STPG2: variants seen among roughly 807,000 people sequenced by gnomAD.
STPG2 encodes the protein sperm tail PG-rich repeat containing 2.
STPG2 carries 56 observed loss-of-function variants against 54.2 expected under a neutral mutation model. The observed-to-expected ratio is 1.03, with a 90% CI of 0.83 to 1.29. The LOEUF is 1.29. STPG2 is among the 50% of genes most tolerant of loss of function. The probability of loss-of-function intolerance (pLI) is 0.00; values close to 1 mark genes in which losing one functional copy is unlikely to be tolerated. For synonymous variants in STPG2, 200 were observed against 181.8 expected (o/e 1.10, Z -0.81); for missense variants, 596 against 544.9 (o/e 1.09, Z -0.93).
At chr4:97,940,388 A>G (rs1353103082) in intron 8 of STPG2, among the ~76,000 whole-genome samples, 2 of 152,146 alleles carry the variant, frequency 1.3e-5, no homozygotes, top group Non-Finnish European at 2.9e-5. Flanking sequence ...ATCCTTAAAT[A>G]TGTTTTCCAA....
chr4:97,804,325 T>C (rs1727486634), intron 9 of STPG2, among the ~76,000 whole-genome samples: 1 of 152,130 alleles, frequency 6.6e-6, no homozygotes, highest in African/African-American at 2.4e-5. Flanking sequence ...AAAATGATAA[T>C]GGAGCTGAAA....
intron 9 of STPG2, among the ~76,000 whole-genome samples, chr4:97,815,541 C>A (rs965949241): frequency 6.6e-6 from 1 of 151,966 alleles, no homozygotes; most frequent in African/African-American, 2.4e-5. Context: ...GTTTTCTTTC[C>A]TCACTCTCTT....
chr4:97,585,100 T>A (rs1468455718), intron 10 of STPG2, among the ~76,000 whole-genome samples: 3 of 3,952 alleles, frequency 7.6e-4, no homozygotes, highest in East Asian at 8.1e-3. Flanking sequence ...TAAAATATTC[T>A]CAAAAAAAAA....
chr4:97,902,477 G>A (rs1731215845), intron 8 of STPG2, among the ~76,000 whole-genome samples: 1 of 152,082 alleles, frequency 6.6e-6, no homozygotes, highest in Non-Finnish European at 1.5e-5. Flanking sequence ...ACTAACAGTT[G>A]GCAAAATACT....
intron 10 of STPG2, among the ~76,000 whole-genome samples, chr4:97,670,553 A>G (rs568913969): frequency 7.9e-5 from 12 of 152,304 alleles, no homozygotes; most frequent in Non-Finnish European, 1.5e-4. Context: ...TGAGCTTTAG[A>G]CTACAAAGCA....
chr4:97,856,931 CTTTA>C (rs1391889706), intron 8 of STPG2, among the ~76,000 whole-genome samples: 1 of 152,060 alleles, frequency 6.6e-6, no homozygotes, highest in African/African-American at 2.4e-5. Context: ...TGGTTTTTGT[CTTTA>C]TTCTCTTTAT....
chr4:97,700,012 T>C lies in STPG2; in HGVS notation c.1320+12687A>G, dbSNP rs1465848617. 2.0e-5 allele frequency among the ~76,000 whole-genome samples: 3 copies of C among 152,270 alleles called. No homozygotes were observed. In the East Asian group the frequency reaches 5.8e-4, roughly 29 times the overall value. On this transcript the variant is annotated intron_variant, in intron 10 of 10. Coordinates refer to ENST00000295268, the MANE Select transcript of STPG2 (RefSeq NM_174952.3). ...CCCAGTTAATGATAGGCAGTTGAGG[T>C]CATGTGGTGACTTGATGACCCATAG...
At chr4:98,066,024 CAAGT>C (rs528392026) in intron 5 of STPG2, among the ~76,000 whole-genome samples, 300 of 151,896 alleles carry the variant, frequency 2.0e-3, no homozygotes, top group African/African-American at 7.1e-3. Context: ...ATATACCTAT[CAAGT>C]AGGTATATCA....
At chr4:98,014,894 C>T (rs1017810620) in intron 5 of STPG2, among the ~76,000 whole-genome samples, 4 of 152,206 alleles carry the variant, frequency 2.6e-5, no homozygotes, top group African/African-American at 9.6e-5. Flanking sequence ...TCTTCGTTGA[C>T]ATTTTTTTTC....
intron 8 of STPG2, among the ~76,000 whole-genome samples, chr4:97,852,966 T>C (rs1729211543): frequency 7.4e-6 from 1 of 134,940 alleles, no homozygotes; most frequent in South Asian, 2.3e-4. Flanking sequence ...TAACATATTT[T>C]CTTTTTTTTT....
At chr4:97,767,962 T>C (rs1279466297) in intron 9 of STPG2, among the ~76,000 whole-genome samples, 1 of 152,042 alleles carries the variant, frequency 6.6e-6, no homozygotes, top group Non-Finnish European at 1.5e-5. Context: ...GGTCAGGAGA[T>C]TGAGGTCATC....
chr4:97,875,509 T>C (rs1420731537), intron 8 of STPG2, among the ~76,000 whole-genome samples: 1 of 151,876 alleles, frequency 6.6e-6, no homozygotes, highest in Non-Finnish European at 1.5e-5. Context: ...TTATTTCAAA[T>C]AATAATTTTA....
intron 5 of STPG2, among the ~76,000 whole-genome samples, chr4:98,051,545 G>T (rs745982788): frequency 6.6e-6 from 1 of 152,026 alleles, no homozygotes; most frequent in Non-Finnish European, 1.5e-5. Flanking sequence ...CTCTCATCAC[G>T]TGATACTTTC....
At chr4:97,609,092 T>C (rs1733670277) in intron 10 of STPG2, among the ~76,000 whole-genome samples, 1 of 152,146 alleles carries the variant, frequency 6.6e-6, no homozygotes, top group African/African-American at 2.4e-5. Flanking sequence ...TTTACAAATA[T>C]ATTTTAACTA....
intron 10 of STPG2, among the ~76,000 whole-genome samples, chr4:97,588,233 C>T (rs1733048796): frequency 6.6e-6 from 1 of 151,784 alleles, no homozygotes; most frequent in Admixed American, 6.6e-5. Flanking sequence ...TCAGAACTAG[C>T]TTCCTCAAAA....
intron 5 of STPG2, among the ~76,000 whole-genome samples, chr4:98,080,955 C>T (rs1311941539): frequency 6.6e-6 from 1 of 152,198 alleles, no homozygotes; most frequent in Non-Finnish European, 1.5e-5. Flanking sequence ...TCAGCTTCTA[C>T]CTTTGAGCTT....
intron 9 of STPG2, among the ~76,000 whole-genome samples, chr4:97,768,589 A>G (rs1726128100): frequency 6.6e-6 from 1 of 152,242 alleles, no homozygotes; most frequent in Non-Finnish European, 1.5e-5. Context: ...ACTGGCAGTA[A>G]TAGGAAGGTG....
At chr4:97,916,130 C>A (rs947236154) in intron 8 of STPG2, among the ~76,000 whole-genome samples, 3 of 152,004 alleles carry the variant, frequency 2.0e-5, no homozygotes, top group Non-Finnish European at 2.9e-5. Context: ...ACAAATGGCA[C>A]CCTTTTACTC....
At chr4:97,961,878 A>C (rs1317109381) in intron 7 of STPG2, among the ~76,000 whole-genome samples, 1 of 152,218 alleles carries the variant, frequency 6.6e-6, no homozygotes, top group Admixed American at 6.5e-5. Context: ...TAGGAAAAGT[A>C]GTCATTATAT....
Sources: gnomAD v4.1 joint callset for allele counts (sites outside exome capture counted in the v4.1 genomes callset) on GRCh38, gnomAD v4.1.1 for gene constraint, MANE v1.5 for transcripts, NCBI Gene and HGNC (gene_info 2026-07-23, HGNC 2026-07-21) for gene names.